IFTAP: variants seen among roughly 807,000 people sequenced by gnomAD.
The protein encoded by IFTAP is intraflagellar transport associated protein, also known as intraflagellar transport-associated protein.
In IFTAP, 19 loss-of-function variants were observed where a neutral mutation model predicts 19.4. The observed-to-expected ratio is 0.98, with a 90% confidence interval of 0.68 to 1.44. IFTAP has a LOEUF of 1.44. Ranked by LOEUF, IFTAP falls within the 40% of genes most tolerant of loss-of-function variation. The pLI is 0.00. For missense variants in IFTAP, 240 were observed against 253.6 expected (o/e 0.95, Z 0.36); for synonymous variants, 85 against 83.5 (o/e 1.02, Z -0.10).
At chr11:36,609,323 G>A (rs995637421) in intron 1 of IFTAP, among the ~76,000 whole-genome samples, 1 of 152,190 alleles carries the variant, frequency 6.6e-6, no homozygotes, top group African/African-American at 2.4e-5. Context: ...AAGATGTCAT[G>A]TATAAGAAAG....
In IFTAP at chr11:36,652,035, G is replaced by A. The variant is rs189725276; in HGVS notation, c.498+3880G>A. 7.9e-5 allele frequency among the ~76,000 whole-genome samples: 12 copies of A among 152,238 alleles called. No homozygotes were observed. In the East Asian group the frequency reaches 2.1e-3, roughly 27 times the overall value. ...GCTTAGGATTGTCTTGGCAATGCAG[G>A]CTCTTTTTTGGTTCCATATGAACTT... On this transcript the variant is annotated intron_variant, in intron 5 of 5. Coordinates refer to ENST00000334307, the MANE Select transcript of IFTAP (RefSeq NM_138787.4).
chr11:36,629,358 T>G (rs1852643458), intron 2 of IFTAP, among the ~76,000 whole-genome samples: 1 of 151,368 alleles, frequency 6.6e-6, no homozygotes, highest in Non-Finnish European at 1.5e-5. Flanking sequence ...TTTTCTTTCC[T>G]TCTAGCAATA....
intron 5 of IFTAP, among the ~76,000 whole-genome samples, chr11:36,655,523 T>C (rs568426937): frequency 6.6e-6 from 1 of 152,296 alleles, no homozygotes; most frequent in Admixed American, 6.5e-5. Flanking sequence ...GTGACTAGAA[T>C]TTAATAGGAA....
intron 2 of IFTAP, among the ~76,000 whole-genome samples, chr11:36,626,204 GA>G (rs1852505957): frequency 6.6e-6 from 1 of 151,234 alleles, no homozygotes; most frequent in South Asian, 2.1e-4. Flanking sequence ...ATATGTCCTC[GA>G]TTAAATAAAA....
At chr11:36,649,048 G>A (rs1405621823) in intron 5 of IFTAP, among the ~76,000 whole-genome samples, 1 of 152,078 alleles carries the variant, frequency 6.6e-6, no homozygotes, top group Non-Finnish European at 1.5e-5. Context: ...CCTCCTTACT[G>A]GAACACAAAG....
intron 4 of IFTAP, among the ~76,000 whole-genome samples, chr11:36,638,619 T>C (rs1853061475): frequency 6.6e-6 from 1 of 152,238 alleles, no homozygotes; most frequent in African/African-American, 2.4e-5. Flanking sequence ...GTTTTACACT[T>C]CAGGAATGTG....
At chr11:36,599,246 G>A (rs1044145566) in intron 1 of IFTAP, among the ~76,000 whole-genome samples, 1 of 152,152 alleles carries the variant, frequency 6.6e-6, no homozygotes, top group Non-Finnish European at 1.5e-5. Flanking sequence ...CACCTGCCTT[G>A]GCCTCCCAAA....
At chr11:36,637,820 T>C (rs1853014294) in intron 4 of IFTAP, among the ~76,000 whole-genome samples, 1 of 152,112 alleles carries the variant, frequency 6.6e-6, no homozygotes. Context: ...TTCTTACCAG[T>C]ATGAGAACTC....
At chr11:36,614,777 C>T (rs1162249761) in intron 2 of IFTAP, among the ~76,000 whole-genome samples, 19 of 148,550 alleles carry the variant, frequency 1.3e-4, no homozygotes, top group Middle Eastern at 3.4e-3. Flanking sequence ...TTTGTTTTTT[C>T]CTTGTAAATT....
At chr11:36,604,395 G>T (rs1425043136) in intron 1 of IFTAP, among the ~76,000 whole-genome samples, 1 of 152,188 alleles carries the variant, frequency 6.6e-6, no homozygotes, top group African/African-American at 2.4e-5. Flanking sequence ...CGTATACCTT[G>T]ATGCTAGAAT....
rs769545833 is a variant in IFTAP at position 36,636,039 on chromosome 11, T to A, written c.292-12T>A. ...TATTCTGCTTAAAAATTATGTTAAT[T>A]CTTTTTTCTAGGTAGATAATTTCCT... is the stretch of plus-strand genomic sequence containing the variant. On this transcript the variant is annotated splice_polypyrimidine_tract_variant and intron_variant, in intron 3 of 5. Transcript: ENST00000334307. 4.4e-6 allele frequency: 7 copies of A among 1,576,262 alleles called. No individual in the cohort carries two copies. The highest frequency in any genetic ancestry group is 6.1e-6 in the Non-Finnish European group (7 of 1,146,316).
intron 5 of IFTAP, among the ~76,000 whole-genome samples, chr11:36,657,487 T>G (rs1451566117): frequency 6.6e-6 from 1 of 152,194 alleles, no homozygotes; most frequent in Admixed American, 6.5e-5. Context: ...TACAGTTTTC[T>G]AATGGTAGGC....
rs113658491 is a variant in IFTAP, at chr11:36,631,793, C to G, written c.137-1491C>G. 3.5e-3 allele frequency among the ~76,000 whole-genome samples: 521 copies of G among 150,620 alleles called. 30 individuals are homozygous for G. The highest frequency in any genetic ancestry group is 0.012 in the African/African-American group (478 of 39,988). ...TGACTTTTTTTGAATTCCTTTATCA[C>G]TCTTTTACTCTTTTAGTGATCATTG... is the stretch of plus-strand genomic sequence containing the variant. On this transcript the variant is annotated intron_variant, in intron 2 of 5. Coordinates refer to ENST00000334307, the MANE Select transcript of IFTAP (RefSeq NM_138787.4).
At chr11:36,639,770 G>A (rs910402339) in intron 4 of IFTAP, among the ~76,000 whole-genome samples, 6 of 152,136 alleles carry the variant, frequency 3.9e-5, no homozygotes, top group African/African-American at 4.8e-5. Context: ...CTCCAACATT[G>A]GGGACCAAAT....
At chr11:36,658,709 C>T (rs903241367) in intron 5 of IFTAP, among the ~76,000 whole-genome samples, 15 of 151,946 alleles carry the variant, frequency 9.9e-5, no homozygotes, top group Non-Finnish European at 1.5e-4. Flanking sequence ...TTCTGTAGTC[C>T]TGACACTACA....
At chr11:36,608,422 G>A (rs1329370723) in intron 1 of IFTAP, among the ~76,000 whole-genome samples, 1 of 152,152 alleles carries the variant, frequency 6.6e-6, no homozygotes, top group Non-Finnish European at 1.5e-5. Context: ...TTCCATTATT[G>A]GAGAAACCCC....
chr11:36,633,784 A>G (rs1852820488), intron 3 of IFTAP, among the ~76,000 whole-genome samples: 1 of 152,030 alleles, frequency 6.6e-6, no homozygotes. Flanking sequence ...ACTTTCTTTC[A>G]CCTGTCCTAG....
chr11:36,638,201 G>A (rs944199657), intron 4 of IFTAP, among the ~76,000 whole-genome samples: 4 of 151,378 alleles, frequency 2.6e-5, no homozygotes, highest in Admixed American at 1.3e-4. Flanking sequence ...CACCCGGCCC[G>A]TCAATCTTTT....
chr11:36,615,687 G>T (rs1852055046), intron 2 of IFTAP, among the ~76,000 whole-genome samples: 1 of 137,274 alleles, frequency 7.3e-6, no homozygotes, highest in African/African-American at 2.8e-5. Flanking sequence ...AAGCAATTGT[G>T]AATGGGAGTT....
Sources: gnomAD v4.1 joint callset for allele counts (sites outside exome capture counted in the v4.1 genomes callset) on GRCh38, gnomAD v4.1.1 for gene constraint, MANE v1.5 for transcripts, NCBI Gene and HGNC (gene_info 2026-07-23, HGNC 2026-07-21) for gene names.